The following KHDRBS2 variants were observed in gnomAD, a reference collection of about 807,000 sequenced individuals.
KHDRBS2 encodes KH domain-containing, RNA-binding, signal transduction-associated protein 2.
KHDRBS2 carries 26 observed loss-of-function variants against 44.3 expected under a neutral mutation model. The observed-to-expected ratio is 0.59, with a 90% CI of 0.43 to 0.81. The LOEUF (loss-of-function observed/expected upper bound fraction) is 0.81. Ranked by LOEUF, KHDRBS2 falls within the 40% of genes least tolerant of loss-of-function variation. The probability of loss-of-function intolerance (pLI) is 0.00; values close to 1 mark genes in which losing one functional copy is unlikely to be tolerated. For missense variants in KHDRBS2, 476 were observed against 433.1 expected, an observed-to-expected ratio of 1.10 and a Z score of -0.88; for synonymous variants, 194 against 151.1, an observed-to-expected ratio of 1.28 and a Z score of -2.08.
At chr6:62,280,530 C>A (rs1841653038) in intron 1 of KHDRBS2, among the ~76,000 whole-genome samples, 1 of 152,120 alleles carries the variant, frequency 6.6e-6, no homozygotes, top group African/African-American at 2.4e-5. Flanking sequence ...TATTCTGTCA[C>A]TAGGGTCATC....
chr6:62,273,132 C>T (rs1432640687), intron 1 of KHDRBS2, among the ~76,000 whole-genome samples: 2 of 152,094 alleles, frequency 1.3e-5, no homozygotes, highest in Non-Finnish European at 2.9e-5. Flanking sequence ...CCTCAAATGC[C>T]TCTCTCATTT....
At chr6:62,281,496 T>A (rs1485743991) in intron 1 of KHDRBS2, among the ~76,000 whole-genome samples, 2 of 152,044 alleles carry the variant, frequency 1.3e-5, no homozygotes, top group African/African-American at 4.8e-5. Context: ...GGCACGCACC[T>A]GTAATCCCAG....
intron 6 of KHDRBS2, among the ~76,000 whole-genome samples, chr6:61,859,016 G>C (rs1304600465): frequency 6.6e-6 from 1 of 151,858 alleles, no homozygotes; most frequent in Non-Finnish European, 1.5e-5. Flanking sequence ...CCATTGATGA[G>C]AAATTCGGTG....
chr6:61,903,087 A>T lies in KHDRBS2; in HGVS notation c.484-1716T>A, dbSNP rs558804059. On this transcript the variant is annotated intron_variant, in intron 4 of 8. Coordinates refer to ENST00000281156, the MANE Select transcript of KHDRBS2 (RefSeq NM_152688.4). ...GTTTCTAACAAGCCATATATTATTC[A>T]ATTTCTACCTCATAATTTTCTCATT... Among the ~76,000 whole-genome samples, 78 of 152,336 alleles carry T rather than the reference A, an allele frequency of 5.1e-4. 1 individual carries two copies. Among genetic ancestry groups the T allele is most frequent in the Admixed American group, 9.2e-4 (14 of 15,300 alleles).
chr6:61,828,199 G>T (rs1350820593), intron 6 of KHDRBS2, among the ~76,000 whole-genome samples: 3 of 152,152 alleles, frequency 2.0e-5, no homozygotes, highest in Non-Finnish European at 4.4e-5. Context: ...TACAATCTCT[G>T]ATCAATGGAT....
the KHDRBS2 span, among the ~76,000 whole-genome samples, chr6:61,552,713 G>T: frequency 8.3e-3 from 1,258 of 152,240 alleles, 7 homozygotes; most frequent in Middle Eastern, 0.01. Context: ...ATAAAGGGAT[G>T]TTGAATTTTA....
intron 1 of KHDRBS2, among the ~76,000 whole-genome samples, chr6:62,211,950 T>C (rs1166687676): frequency 6.6e-6 from 1 of 152,138 alleles, no homozygotes. Flanking sequence ...ATGTAGTACA[T>C]ATACACAATG....
intron 3 of KHDRBS2, among the ~76,000 whole-genome samples, chr6:62,037,686 C>A (rs1785583380): frequency 6.6e-6 from 1 of 151,820 alleles, no homozygotes. Flanking sequence ...ATTTTGTTTG[C>A]CTTTTTTTAA....
At chr6:62,166,485 A>G (rs1182049978) in intron 2 of KHDRBS2, among the ~76,000 whole-genome samples, 1 of 152,112 alleles carries the variant, frequency 6.6e-6, no homozygotes, top group African/African-American at 2.4e-5. Context: ...AATGAAAATA[A>G]AAGTTACTCC....
At chr6:61,786,035 T>C (rs1269567449) in intron 6 of KHDRBS2, among the ~76,000 whole-genome samples, 1 of 151,904 alleles carries the variant, frequency 6.6e-6, no homozygotes, top group Non-Finnish European at 1.5e-5. Flanking sequence ...ATTCTCTCTC[T>C]TTCTCGTTCA....
chr6:62,233,974 T>C (rs777992567), intron 1 of KHDRBS2, among the ~76,000 whole-genome samples: 21 of 152,138 alleles, frequency 1.4e-4, no homozygotes, highest in Non-Finnish European at 5.9e-5. Context: ...GGTGATACAA[T>C]GATTTATATT....
chr6:62,165,295 T>C (rs754085383), intron 2 of KHDRBS2, among the ~76,000 whole-genome samples: 3 of 150,420 alleles, frequency 2.0e-5, no homozygotes, highest in Non-Finnish European at 3.0e-5. Context: ...TTAATTTTAA[T>C]TAGACACAGA....
At chr6:61,556,891 T>A in the KHDRBS2 span, among the ~76,000 whole-genome samples, 1 of 126,738 alleles carries the variant, frequency 7.9e-6, no homozygotes, top group East Asian at 2.5e-4. Context: ...TTTTTTTTTT[T>A]TTTTTTTTTT....
the KHDRBS2 span, among the ~76,000 whole-genome samples, chr6:61,566,143 G>C: frequency 6.6e-6 from 1 of 152,030 alleles, no homozygotes; most frequent in African/African-American, 2.4e-5. Flanking sequence ...GACATAGAAA[G>C]ACAAATATCT....
chr6:61,864,963 G>A (rs1797566026), intron 6 of KHDRBS2, among the ~76,000 whole-genome samples: 1 of 152,070 alleles, frequency 6.6e-6, no homozygotes, highest in Non-Finnish European at 1.5e-5. Flanking sequence ...AAGAGGTTTT[G>A]TTCATTCCTT....
intron 6 of KHDRBS2, among the ~76,000 whole-genome samples, chr6:61,758,648 C>T: frequency 6.6e-6 from 1 of 151,946 alleles, no homozygotes; most frequent in East Asian, 1.9e-4. Context: ...ATATGGCCCA[C>T]AAGAGTACAT....
intron 4 of KHDRBS2, among the ~76,000 whole-genome samples, chr6:61,967,307 G>T (rs1770213535): frequency 6.6e-6 from 1 of 151,556 alleles, no homozygotes; most frequent in African/African-American, 2.4e-5. Context: ...GTAAATCATA[G>T]TATATCTGTG....
intron 6 of KHDRBS2, among the ~76,000 whole-genome samples, chr6:61,800,601 G>T (rs1410750207): frequency 1.3e-5 from 2 of 152,072 alleles, no homozygotes; most frequent in African/African-American, 4.8e-5. Context: ...GGATCTTCCT[G>T]ACTCTGGACT....
At chr6:62,222,172 G>A (rs114875087) in intron 1 of KHDRBS2, among the ~76,000 whole-genome samples, 74 of 152,006 alleles carry the variant, frequency 4.9e-4, no homozygotes, top group African/African-American at 1.6e-3. Context: ...TGCCTCTCAC[G>A]CCTTAGTATT....
Sources: gnomAD v4.1 joint callset for allele counts (sites outside exome capture counted in the v4.1 genomes callset) on GRCh38, gnomAD v4.1.1 for gene constraint, MANE v1.5 for transcripts, NCBI Gene and HGNC (gene_info 2026-07-23, HGNC 2026-07-21) for gene names.